The following BTRC variants were observed in gnomAD, a reference collection of about 807,000 sequenced individuals.
The protein encoded by BTRC is beta-transducin repeat containing E3 ubiquitin protein ligase.
A neutral mutation model predicts 85.5 loss-of-function variants in BTRC; 42 were observed. That is an observed-to-expected ratio of 0.49 (90% CI 0.38 to 0.64). BTRC has a LOEUF of 0.64. BTRC is among the 30% of genes least tolerant of loss of function. BTRC has a pLI of 0.00. For synonymous variants in BTRC, 255 were observed against 263.3 expected, an observed-to-expected ratio of 0.97 and a Z score of 0.30; for missense variants, 594 against 743.5, an observed-to-expected ratio of 0.80 and a Z score of 2.34.
At position 101,532,448 on chromosome 10, in the gene BTRC, T is replaced by C. The variant is rs748141251; in HGVS notation, c.978+16T>C. 6.3e-7 allele frequency: 1 copy of C among 1,594,746 alleles called. No individual in the cohort carries two copies. Among genetic ancestry groups the C allele is most frequent in the Non-Finnish European group, 8.5e-7 (1 of 1,171,122 alleles). ...CACAATCAAGGTGAGGTCTATTCAG[T>C]TGTAGAAAGGTAGCAGAGGGAGCAA... On this transcript the variant is annotated intron_variant, in intron 8 of 14. Transcript: ENST00000370187.
At chr10:101,419,442 G>A (rs1323554393) in intron 1 of BTRC, among the ~76,000 whole-genome samples, 3 of 152,202 alleles carry the variant, frequency 2.0e-5, no homozygotes, top group East Asian at 3.9e-4. Flanking sequence ...GTTTTATTTC[G>A]AGAAAAAGCC....
At chr10:101,489,129 T>C (rs994276367) in intron 4 of BTRC, among the ~76,000 whole-genome samples, 2 of 152,144 alleles carry the variant, frequency 1.3e-5, no homozygotes, top group African/African-American at 4.8e-5. Flanking sequence ...TGATTTTTTG[T>C]CATGTTTTAT....
intron 1 of BTRC, among the ~76,000 whole-genome samples, chr10:101,424,170 G>A (rs572324839): frequency 3.9e-5 from 6 of 152,062 alleles, no homozygotes; most frequent in African/African-American, 1.4e-4. Context: ...GGAGGCGGAG[G>A]TTGCAGTGAG....
At chr10:101,381,069 G>C (rs1942916076) in intron 1 of BTRC, among the ~76,000 whole-genome samples, 2 of 152,074 alleles carry the variant, frequency 1.3e-5, no homozygotes, top group African/African-American at 4.8e-5. Flanking sequence ...TGACTGAAGT[G>C]TCAGGGGGTG....
At chr10:101,420,322 T>A (rs1250175186) in intron 1 of BTRC, among the ~76,000 whole-genome samples, 1 of 152,116 alleles carries the variant, frequency 6.6e-6, no homozygotes, top group Non-Finnish European at 1.5e-5. Flanking sequence ...TATCTCTCGC[T>A]CCATTTCTCA....
chr10:101,483,346 G>C (rs1425197102), intron 4 of BTRC, among the ~76,000 whole-genome samples: 3 of 152,194 alleles, frequency 2.0e-5, no homozygotes, highest in Non-Finnish European at 2.9e-5. Flanking sequence ...TGTAATCCCA[G>C]TACTTTGGGA....
In BTRC at chr10:101,366,824, ATATATT is replaced by A. The variant is rs1428963181; in HGVS notation, c.48+12602_48+12607del. On this transcript the variant is annotated intron_variant, in intron 1 of 14. Transcript: ENST00000370187. ...TATATATATATTTATATATATTAAT[ATATATT>A]TATATATATTTATGTATATTAATAT... 1.3e-4 allele frequency among the ~76,000 whole-genome samples: 5 copies of A among 38,524 alleles called. No individual in the cohort carries two copies. The East Asian group carries it at 2.6e-3, about 20-fold the overall frequency. The allele number at this position is 38,524 out of a possible 152,430, so 25.3% of individuals were successfully genotyped here.
chr10:101,404,775 G>T (rs1023922995), intron 1 of BTRC, among the ~76,000 whole-genome samples: 1 of 152,062 alleles, frequency 6.6e-6, no homozygotes, highest in Admixed American at 6.5e-5. Flanking sequence ...GAGGTGGGCG[G>T]ATCACGAGGT....
chr10:101,548,177 A>G (rs2062587867), intron 13 of BTRC, among the ~76,000 whole-genome samples: 1 of 152,216 alleles, frequency 6.6e-6, no homozygotes, highest in Non-Finnish European at 1.5e-5. Flanking sequence ...AAATTGTTTC[A>G]TAGTATCTTC....
chr10:101,483,253 T>C (rs1945889586), intron 4 of BTRC, among the ~76,000 whole-genome samples: 1 of 152,092 alleles, frequency 6.6e-6, no homozygotes, highest in Non-Finnish European at 1.5e-5. Context: ...AAGTTGGCAA[T>C]AATCTTGTTA....
At chr10:101,410,341 G>T (rs1285247675) in intron 1 of BTRC, among the ~76,000 whole-genome samples, 1 of 152,158 alleles carries the variant, frequency 6.6e-6, no homozygotes, top group Admixed American at 6.5e-5. Context: ...CCCTGGCTGC[G>T]CAGGGTGGCT....
intron 3 of BTRC, among the ~76,000 whole-genome samples, chr10:101,470,878 C>G (rs1294160284): frequency 1.3e-5 from 2 of 152,060 alleles, no homozygotes; most frequent in Non-Finnish European, 2.9e-5. Context: ...TTTCTTTTCC[C>G]CCATTGAATT....
intron 1 of BTRC, among the ~76,000 whole-genome samples, chr10:101,379,383 A>G (rs1942872078): frequency 1.3e-5 from 2 of 152,204 alleles, no homozygotes; most frequent in Non-Finnish European, 1.5e-5. Context: ...TTGTGGAAAA[A>G]TATAATCTTT....
chr10:101,500,911 G>C (rs1001797746), intron 4 of BTRC, among the ~76,000 whole-genome samples: 1 of 152,038 alleles, frequency 6.6e-6, no homozygotes, highest in African/African-American at 2.4e-5. Flanking sequence ...TAAAATTCGA[G>C]GGCCAGGCAC....
intron 1 of BTRC, among the ~76,000 whole-genome samples, chr10:101,391,740 G>A (rs1480334191): frequency 6.6e-6 from 1 of 152,124 alleles, no homozygotes; most frequent in Non-Finnish European, 1.5e-5. Flanking sequence ...ATTGCAAATT[G>A]TACTCATGCC....
chr10:101,422,806 CT>C (rs545145928), intron 1 of BTRC, among the ~76,000 whole-genome samples: 190 of 152,242 alleles, frequency 1.2e-3, no homozygotes, highest in Non-Finnish European at 2.1e-3. Context: ...TCTGAGGGCT[CT>C]GTTCTGTTCC....
intron 13 of BTRC, among the ~76,000 whole-genome samples, chr10:101,549,228 T>C (rs547479608): frequency 5.5e-5 from 8 of 145,716 alleles, no homozygotes; most frequent in African/African-American, 2.0e-4. Context: ...TGGTCTTGAG[T>C]TCAAGACCAG....
At position 101,483,679 on chromosome 10, in the gene BTRC, G is replaced by GT. The variant is rs199978694; in HGVS notation, c.324+4230dup. ...TTTGGAGGCATTGAGATACCTTTTT[G>GT]TTTTTTTTCAGAATTCTTTCTCCTG... On this transcript the variant is annotated intron_variant, in intron 4 of 14. Coordinates refer to ENST00000370187, the MANE Select transcript of BTRC (RefSeq NM_033637.4). Among the ~76,000 whole-genome samples, 1,159 of 151,652 alleles carry GT rather than the reference G, an allele frequency of 7.6e-3. 13 individuals are homozygous for GT. The highest frequency in any genetic ancestry group is 8.9e-3 in the Non-Finnish European group (607 of 67,846).
At chr10:101,391,868 G>A (rs886895591) in intron 1 of BTRC, among the ~76,000 whole-genome samples, 4 of 152,108 alleles carry the variant, frequency 2.6e-5, no homozygotes, top group African/African-American at 9.7e-5. Context: ...AATGTCTTTG[G>A]TTTATTCACA....
Sources: gnomAD v4.1 joint callset for allele counts (sites outside exome capture counted in the v4.1 genomes callset) on GRCh38, gnomAD v4.1.1 for gene constraint, MANE v1.5 for transcripts, NCBI Gene and HGNC (gene_info 2026-07-23, HGNC 2026-07-21) for gene names.